The following USP43 variants were observed in gnomAD, a reference collection of about 807,000 sequenced individuals.
The protein encoded by USP43 is ubiquitin carboxyl-terminal hydrolase 43.
In USP43, 33 loss-of-function variants were observed where a neutral mutation model predicts 90.7. The ratio of observed to expected loss-of-function variants is 0.36; its 90% CI spans 0.28 to 0.49. The LOEUF (loss-of-function observed/expected upper bound fraction) is 0.49, where lower values mean the gene tolerates loss of function less well. Among genes scored for constraint, USP43 ranks in the 20% least tolerant of loss-of-function variants. The probability of loss-of-function intolerance (pLI) is 0.98; values close to 1 mark genes in which losing one functional copy is unlikely to be tolerated. For missense variants in USP43, 1,274 were observed against 1,476.4 expected (o/e 0.86, Z 2.25); for synonymous variants, 598 against 615.8 (o/e 0.97, Z 0.43).
At chr17:9,646,488 G>A (rs1042887319) in intron 1 of USP43, among the ~76,000 whole-genome samples, 16 of 152,164 alleles carry the variant, frequency 1.1e-4, no homozygotes. Flanking sequence ...ATGTGGGGTA[G>A]GGAATGGGAT....
In USP43 at chr17:9,701,627, C is replaced by T. The variant is rs1597869927; in HGVS notation, c.1938C>T (p.Tyr646=). ...WKQPDCLPTS[Y]PLDFLYDLYA... ...AGCCGGACTGCCTGCCCACCAGTTA[C>T]CCGCTGGACTTCCTGTACGACCTGT... is the stretch of plus-strand genomic sequence containing the variant. Residue 646 remains tyrosine (Y), a synonymous_variant, in exon 12 of 15, where the codon TAC becomes TAT. Coordinates refer to ENST00000285199, the MANE Select transcript of USP43 (RefSeq NM_153210.5). This position sits in a 1 kb window ranked among gnomAD's most constrained non-coding sequence, Gnocchi z 7.2. 2 of 1,589,840 alleles carry T rather than the reference C, an allele frequency of 1.3e-6. No homozygotes were observed. Among genetic ancestry groups the T allele is most frequent in the East Asian group, 2.3e-5 (1 of 43,602 alleles).
rs145127093 is a variant in USP43, at chr17:9,664,197, C to T, written c.637-2451C>T. Among the ~76,000 whole-genome samples the T allele has an allele frequency of 4.0e-3, 613 of 152,238 alleles. 2 individuals carry two copies. Among genetic ancestry groups the T allele is most frequent in the African/African-American group, 0.014 (567 of 41,540 alleles). On this transcript the variant is annotated intron_variant, in intron 2 of 14. Transcript: ENST00000285199. ...AAAGTTGAATTAATTATGCAGTAAA[C>T]ACTCCTCCCCATCACCTAGATTCTA...
Position 9,709,539 on chromosome 17 carries a change from A to G in USP43, c.2012-417A>G, listed in dbSNP as rs1916065352. On this transcript the variant is annotated intron_variant, in intron 12 of 14. Coordinates refer to ENST00000285199, the MANE Select transcript of USP43 (RefSeq NM_153210.5). This position sits in a 1 kb window ranked among gnomAD's most constrained non-coding sequence, Gnocchi z 5.0. The stretch of plus-strand genomic sequence containing the variant: ...GAGACCAGCCTGGTCAACATGGTGA[A>G]ACCCCATCTCTAATAAAAATATAAA... Among the ~76,000 whole-genome samples, 1 of 152,028 alleles carries G rather than the reference A, an allele frequency of 6.6e-6. No individual in the cohort carries two copies. The highest frequency in any genetic ancestry group is 1.5e-5 in the Non-Finnish European group (1 of 68,022).
intron 12 of USP43, among the ~76,000 whole-genome samples, chr17:9,708,699 C>T (rs1057140364): frequency 2.6e-5 from 4 of 152,174 alleles, no homozygotes; most frequent in African/African-American, 9.6e-5. Context: ...GTGATCCTGG[C>T]TCACTGCAAC....
At chr17:9,661,791 C>T (rs899285413) in intron 2 of USP43, among the ~76,000 whole-genome samples, 1 of 142,676 alleles carries the variant, frequency 7.0e-6, no homozygotes, top group African/African-American at 3.0e-5. Context: ...TCACTCCAGC[C>T]TCTTTCAGGG....
chr17:9,699,367 G>A (rs775973220), intron 9 of USP43, among the ~76,000 whole-genome samples: 14 of 152,180 alleles, frequency 9.2e-5, no homozygotes, highest in Non-Finnish European at 1.6e-4. Flanking sequence ...CCTGGCTCAC[G>A]CAGGAAGGTG....
chr17:9,705,583 T>C (rs931639768), intron 12 of USP43, among the ~76,000 whole-genome samples: 1 of 151,862 alleles, frequency 6.6e-6, no homozygotes, highest in Non-Finnish European at 1.5e-5. Context: ...GGTGAAACCC[T>C]GTCTCTACTA....
At chr17:9,710,407 G>T (rs372866505) in intron 13 of USP43, among the ~76,000 whole-genome samples, 1 of 150,846 alleles carries the variant, frequency 6.6e-6, no homozygotes, top group South Asian at 2.1e-4. Flanking sequence ...ATCACAGCAG[G>T]TTTTTTGAGG....
At chr17:9,681,628 G>A (rs1353309238) in intron 6 of USP43, among the ~76,000 whole-genome samples, 1 of 149,282 alleles carries the variant, frequency 6.7e-6, no homozygotes, top group African/African-American at 2.5e-5. Context: ...CAAGTAGCTG[G>A]GACTACAGGT....
At chr17:9,718,744 G>A (rs534830932) in intron 14 of USP43, among the ~76,000 whole-genome samples, 6 of 152,108 alleles carry the variant, frequency 3.9e-5, no homozygotes, top group East Asian at 3.9e-4. Flanking sequence ...GGAGGCTGAG[G>A]CAGGAGAATT....
intron 2 of USP43, among the ~76,000 whole-genome samples, chr17:9,658,837 C>T (rs1912443333): frequency 1.3e-5 from 2 of 152,190 alleles, no homozygotes; most frequent in Non-Finnish European, 2.9e-5. Flanking sequence ...ATGTCTCTAT[C>T]CCTTGTCTCT....
At chr17:9,727,065 C>T (rs1248471349) in intron 14 of USP43, among the ~76,000 whole-genome samples, 11 of 152,034 alleles carry the variant, frequency 7.2e-5, no homozygotes, top group African/African-American at 1.7e-4. Context: ...CTCCACCTCC[C>T]GGGTTCAAGT....
rs540092473 is a variant in USP43, at chr17:9,726,247, G to A, written c.2336-1707G>A. On this transcript the variant is annotated intron_variant, in intron 14 of 14. Transcript: ENST00000285199. ...TCACTCCCCTGCACCTCATTCTTTT[G>A]CCTTTCCTGAGCTCTCACCCGTGCA... Among the ~76,000 whole-genome samples, 3 of 152,194 alleles carry A rather than the reference G, an allele frequency of 2.0e-5. No individual in the cohort carries two copies. In the East Asian group the frequency reaches 5.8e-4, roughly 29 times the overall value.
chr17:9,717,336 T>C (rs73259654), intron 14 of USP43, among the ~76,000 whole-genome samples: 1,713 of 151,152 alleles, frequency 0.011, 41 homozygotes, highest in African/African-American at 0.04. Flanking sequence ...GGGTGTATAC[T>C]TAGGAGTGGA....
intron 2 of USP43, among the ~76,000 whole-genome samples, chr17:9,658,187 C>A (rs1387783815): frequency 6.6e-6 from 1 of 152,206 alleles, no homozygotes; most frequent in Non-Finnish European, 1.5e-5. Flanking sequence ...GTGCTTAGAT[C>A]TTTCAACCAT....
At position 9,686,614 on chromosome 17, in the gene USP43, C is replaced by A. The variant is rs915952015; in HGVS notation, c.1242-184C>A. ...CTACGTGTGTCATTTTGAGAAATGT[C>A]TATTCAGACCCTTTGCCCATTTTTA... is the stretch of plus-strand genomic sequence containing the variant. On this transcript the variant is annotated intron_variant, in intron 7 of 14. Coordinates refer to ENST00000285199, the MANE Select transcript of USP43 (RefSeq NM_153210.5). This position sits in a 1 kb window ranked among gnomAD's most constrained non-coding sequence, Gnocchi z 5.5. Among the ~76,000 whole-genome samples, 1 of 152,024 alleles carries A rather than the reference C, an allele frequency of 6.6e-6. No homozygotes were observed. The highest frequency in any genetic ancestry group is 1.5e-5 in the Non-Finnish European group (1 of 68,010).
At chr17:9,657,538 G>T (rs1431844674) in intron 2 of USP43, among the ~76,000 whole-genome samples, 2 of 151,996 alleles carry the variant, frequency 1.3e-5, no homozygotes, top group Non-Finnish European at 2.9e-5. Context: ...ACATACCTGA[G>T]ACTGGGTAAT....
At chr17:9,720,393 C>A (rs1916880484) in intron 14 of USP43, among the ~76,000 whole-genome samples, 1 of 144,612 alleles carries the variant, frequency 6.9e-6, no homozygotes, top group South Asian at 2.2e-4. Context: ...TCTTACTAAA[C>A]CTGGGCAAGA....
chr17:9,692,742 C>G (rs773693142), intron 8 of USP43, among the ~76,000 whole-genome samples: 1 of 152,096 alleles, frequency 6.6e-6, no homozygotes, highest in Non-Finnish European at 1.5e-5. Flanking sequence ...AGAAAATTGC[C>G]TCATTGTGGG....
Sources: gnomAD v4.1 joint callset for allele counts (sites outside exome capture counted in the v4.1 genomes callset) on GRCh38, gnomAD v4.1.1 for gene constraint, Gnocchi (gnomAD v3.1) non-coding constraint, MANE v1.5 for transcripts, NCBI Gene and HGNC (gene_info 2026-07-23, HGNC 2026-07-21) for gene names.